The following CPM variants were observed in gnomAD, a reference collection of about 807,000 sequenced individuals.
CPM encodes carboxypeptidase M, also known as renal carboxypeptidase.
In CPM, 35 loss-of-function variants were observed where a neutral mutation model predicts 46.4. The observed-to-expected ratio is 0.75, with a 90% confidence interval of 0.58 to 1.00. The LOEUF is 1.00. Among genes scored for constraint, CPM ranks in the 50% least tolerant of loss-of-function variants. The probability of loss-of-function intolerance (pLI) is 0.00; values close to 1 mark genes in which losing one functional copy is unlikely to be tolerated. For missense variants in CPM, 422 were observed against 530.4 expected (o/e 0.80, Z 2.01); for synonymous variants, 195 against 195.3 (o/e 1.00, Z 0.01).
intron 2 of CPM, among the ~76,000 whole-genome samples, chr12:68,901,986 C>T: frequency 6.6e-6 from 1 of 151,324 alleles, no homozygotes; most frequent in African/African-American, 2.4e-5. Flanking sequence ...AGGAGCTCTA[C>T]TTTACTTAAT....
Position 68,943,732 on chromosome 12 carries a change from C to T in CPM, c.-3-10892G>A, listed in dbSNP as rs948756321. 4.6e-5 allele frequency among the ~76,000 whole-genome samples: 7 copies of T among 152,180 alleles called. No homozygotes were observed. The East Asian group carries it at 1.2e-3, about 25-fold the overall frequency. On this transcript the variant is annotated intron_variant, in intron 1 of 8. Coordinates refer to the CPM transcript ENST00000546373. The stretch of plus-strand genomic sequence containing the variant: ...ACAGTCCTATTTAGCTGCATTTAAT[C>T]TGGATTGTGTGATATCAAACAATCT...
intron 2 of CPM, among the ~76,000 whole-genome samples, chr12:68,903,930 A>C (rs2136281976): frequency 6.7e-6 from 1 of 149,074 alleles, no homozygotes; most frequent in South Asian, 2.1e-4. Context: ...TCTGTTGCCC[A>C]GGCTGGAATG....
chr12:68,845,752 C>A (rs1203661210), intron 5 of CPM: 3 of 159,280 alleles, frequency 1.9e-5, no homozygotes, highest in African/African-American at 4.8e-5. Flanking sequence ...TTCCTAATTC[C>A]AAAATTTCAC....
At chr12:68,914,483 G>A (rs1212445962) in intron 2 of CPM, among the ~76,000 whole-genome samples, 3 of 152,174 alleles carry the variant, frequency 2.0e-5, no homozygotes, top group Non-Finnish European at 4.4e-5. Context: ...ACCAGGATAC[G>A]TTCCCTCTCA....
chr12:68,923,160 AGTGTGTGTGTGTGTGTGTGT>A (rs869087872), intron 2 of CPM, among the ~76,000 whole-genome samples: 9 of 45,670 alleles, frequency 2.0e-4, no homozygotes, highest in Admixed American at 4.5e-4. Context: ...TTTGATATAG[AGTGTGTGTGTGTGTGTGTGT>A]GTGTGTGTGT....
chr12:68,861,083 T>G lies in CPM; in HGVS notation c.941-2012A>C, dbSNP rs568551227. Among the ~76,000 whole-genome samples, 11 of 152,182 alleles carry G rather than the reference T, an allele frequency of 7.2e-5. No homozygotes were observed. The East Asian group carries it at 2.1e-3, about 29-fold the overall frequency. Reference sequence around the variant, plus strand: ...TTTTTGTAGAGGTGGGGTTTCGCCATGTTGCACAGGCTAGTCTTGAACTCC... The same window carrying G: ...TTTTTGTAGAGGTGGGGTTTCGCCAGGTTGCACAGGCTAGTCTTGAACTCC... On this transcript the variant is annotated intron_variant, in intron 7 of 8. Transcript: ENST00000551568.
chr12:68,956,345 G>A, intron 1 of CPM, among the ~76,000 whole-genome samples: 1 of 152,264 alleles, frequency 6.6e-6, no homozygotes, highest in African/African-American at 2.4e-5. Flanking sequence ...TGTAGCCAGG[G>A]CTGGGCAGCT....
rs144731700 is a variant in CPM at position 68,866,970 on chromosome 12, C to A, written c.866G>T (p.Arg289Leu). 6.2e-7 allele frequency: 1 copy of A among 1,613,988 alleles called. No homozygotes were observed. The highest frequency in any genetic ancestry group is 8.5e-7 in the Non-Finnish European group (1 of 1,179,968). ...CCAAAAGGATGGAAGCTTCTCCTCA[C>A]GAGGATATTTACAGCATGACAGCTC... The part of the protein sequence containing the change: ...TLELSCCKYP[R>L]EEKLPSFWNN... The change falls in exon 7 of 9, where the codon CGT becomes CTT. Residue 289 changes from arginine to leucine, a missense_variant. Physicochemically the swap from Arg to Leu is moderately radical, Grantham distance 102. Transcript: ENST00000551568.
chr12:68,880,245 A>C (rs1210818820), intron 3 of CPM, among the ~76,000 whole-genome samples: 1 of 152,196 alleles, frequency 6.6e-6, no homozygotes, highest in Non-Finnish European at 1.5e-5. Context: ...CCAGAAAAAC[A>C]CCTACTAGTC....
chr12:68,928,056 T>C (rs1266041131), intron 2 of CPM, among the ~76,000 whole-genome samples: 1 of 152,214 alleles, frequency 6.6e-6, no homozygotes, highest in African/African-American at 2.4e-5. Context: ...AGAGCCCGCA[T>C]TGCCAAGTCA....
At chr12:68,958,395 T>A (rs12825037) in intron 1 of CPM, among the ~76,000 whole-genome samples, 54,035 of 151,976 alleles carry the variant, frequency 0.36, 11,077 homozygotes, top group East Asian at 0.51. Flanking sequence ...ATGCCTTTTT[T>A]AATTTTCCCC....
chr12:68,898,774 C>T (rs1454270269), intron 2 of CPM, among the ~76,000 whole-genome samples: 1 of 152,198 alleles, frequency 6.6e-6, no homozygotes, highest in Admixed American at 6.5e-5. Flanking sequence ...CACTTACTAG[C>T]CATGTGGTAT....
Position 68,867,007 on chromosome 12 carries a change from C to A in CPM, c.829G>T (p.Glu277Ter), listed in dbSNP as rs766943066. 4.3e-6 allele frequency: 7 copies of A among 1,614,148 alleles called. No homozygotes were observed. Among genetic ancestry groups the A allele is most frequent in the Admixed American group, 1.7e-5 (1 of 60,024 alleles). The change falls in exon 7 of 9, where the codon GAA becomes TAA. Residue 277 changes from glutamate (E) to a stop codon, truncating the protein, a stop_gained. Coordinates refer to ENST00000551568, the MANE Select transcript of CPM (RefSeq NM_198320.5). LOFTEE classifies it high-confidence loss of function. ...DYNYIWAQCF[E>*]ITLELSCCKY... ...CAGCATGACAGCTCCAACGTAATTT[C>A]AAAACACTGGGCCCAGATGTAGTTG...
upstream of CPM, among the ~76,000 whole-genome samples, chr12:68,934,837 A>G (rs1166871078): frequency 2.0e-5 from 3 of 152,228 alleles, no homozygotes; most frequent in Non-Finnish European, 2.9e-5. Flanking sequence ...CGTTTATTAC[A>G]TAAATAAACC....
Position 68,914,411 on chromosome 12 carries a change from T to C in CPM, c.160+18267A>G, listed in dbSNP as rs376090447. On this transcript the variant is annotated intron_variant, in intron 2 of 8. Coordinates refer to ENST00000551568, the MANE Select transcript of CPM (RefSeq NM_198320.5). ...CATAAAGGTGTTCAATAATCGGCAGTGGCATTGCTTTCATTTTCCCATTCT... is the reference window on the plus strand; with the variant it reads ...CATAAAGGTGTTCAATAATCGGCAGCGGCATTGCTTTCATTTTCCCATTCT... Among the ~76,000 whole-genome samples, 6 of 152,346 alleles carry C rather than the reference T, an allele frequency of 3.9e-5. No individual in the cohort carries two copies. The South Asian group carries it at 1.2e-3, about 32-fold the overall frequency.
chr12:68,959,985 T>C (rs1015486727), intron 1 of CPM, among the ~76,000 whole-genome samples: 39 of 152,212 alleles, frequency 2.6e-4, no homozygotes, highest in African/African-American at 9.4e-4. Context: ...ACCCTGCTGA[T>C]TTGAAAGGGA....
At chr12:68,917,033 C>T (rs117142204) in intron 2 of CPM, among the ~76,000 whole-genome samples, 1,632 of 152,184 alleles carry the variant, frequency 0.011, 15 homozygotes, top group South Asian at 0.022. Context: ...TATATCTCCC[C>T]GTGGATGAAG....
chr12:68,858,366 C>G (rs1479452377), intron 8 of CPM, among the ~76,000 whole-genome samples: 1 of 152,058 alleles, frequency 6.6e-6, no homozygotes, highest in Middle Eastern at 3.2e-3. Flanking sequence ...TTCCTGTCTT[C>G]GGATAAAATG....
rs1302897714 is a variant in CPM, at chr12:68,926,887, A to G, written c.160+5791T>C. 5.3e-5 allele frequency among the ~76,000 whole-genome samples: 8 copies of G among 152,370 alleles called. No homozygotes were observed. The South Asian group carries it at 1.2e-3, about 24-fold the overall frequency. ...TTTCATCCATGTCCCTACAAAGGAC[A>G]TGAACTCATCATTCTTTGTGGCTGC... is the stretch of plus-strand genomic sequence containing the variant. On this transcript the variant is annotated intron_variant, in intron 2 of 8. Transcript: ENST00000551568.
Sources: gnomAD v4.1 joint callset for allele counts (sites outside exome capture counted in the v4.1 genomes callset) on GRCh38, gnomAD v4.1.1 for gene constraint, MANE v1.5 for transcripts, NCBI Gene and HGNC (gene_info 2026-07-23, HGNC 2026-07-21) for gene names.